The following FCSK variants were observed in gnomAD, a reference collection of about 807,000 sequenced individuals.
FCSK encodes L-fucose kinase.
FCSK carries 123 observed loss-of-function variants against 122.5 expected under a neutral mutation model. That is an observed-to-expected ratio of 1.00 (90% CI 0.87 to 1.17). The LOEUF (loss-of-function observed/expected upper bound fraction) is 1.17, where lower values mean the gene tolerates loss of function less well. Ranked by LOEUF, FCSK falls within the 50% of genes most tolerant of loss-of-function variation. FCSK has a pLI of 0.00. For missense variants in FCSK, 1,366 were observed against 1,450.4 expected, an observed-to-expected ratio of 0.94 and a Z score of 0.95; for synonymous variants, 620 against 625.5, an observed-to-expected ratio of 0.99 and a Z score of 0.13.
intron 7 of FCSK, 92 bp downstream of exon 7, chr16:70,467,563 T>A: frequency 1.0e-6 from 1 of 999,776 alleles, no homozygotes; most frequent in Non-Finnish European, 1.5e-6. Flanking sequence ...CCTCTCATCC[T>A]GGATTTCCTC....
At chr16:70,472,929 AAG>A in intron 14 of FCSK, 52 bp from the exon 15 acceptor site, 3 of 1,540,226 alleles carry the variant, frequency 1.9e-6, no homozygotes, top group Non-Finnish European at 2.6e-6. Flanking sequence ...GGGCTTGGGG[AAG>A]AGACTGGAGC....
At chr16:70,465,416 T>A (rs576131872) in intron 4 of FCSK, among the ~76,000 whole-genome samples, 169 of 150,286 alleles carry the variant, frequency 1.1e-3, no homozygotes, top group Non-Finnish European at 1.9e-3. Context: ...CTCAGCACTT[T>A]GGGAGGCCAA....
At chr16:70,461,558 C>T (rs772585303) in intron 1 of FCSK, among the ~76,000 whole-genome samples, 7 of 152,094 alleles carry the variant, frequency 4.6e-5, no homozygotes, top group African/African-American at 1.7e-4. Context: ...AGGGCTGCAG[C>T]CCCCGCTGGG....
At chr16:70,468,373 T>C (rs956397797) in intron 8 of FCSK, among the ~76,000 whole-genome samples, 35 of 152,202 alleles carry the variant, frequency 2.3e-4, no homozygotes, top group Non-Finnish European at 8.8e-5. Flanking sequence ...TGAGCAGAGA[T>C]CGTGCCACTG....
rs1332859446 is a variant in FCSK at position 70,470,169 on chromosome 16, T to C, written c.956-145T>C. The C allele has an allele frequency of 4.6e-6, 3 of 652,268 alleles. No homozygotes were observed. In the African/African-American group the frequency reaches 5.5e-5, roughly 12 times the overall value. The allele number at this position is 652,268 out of a possible 1,614,324, so 40.4% of individuals were successfully genotyped here. On this transcript the variant is annotated intron_variant, in intron 10 of 23. Transcript: ENST00000288078. Reference sequence around the variant, plus strand: ...ACCTGTCTACTTTCTAGCTGTGTTGTGTGGCTTTGGGCAGGTTCCTGACTC... The same window carrying C: ...ACCTGTCTACTTTCTAGCTGTGTTGCGTGGCTTTGGGCAGGTTCCTGACTC...
intron 1 of FCSK, among the ~76,000 whole-genome samples, chr16:70,459,656 C>CTTTTTT (rs1333103356): frequency 7.7e-6 from 1 of 130,004 alleles, no homozygotes; most frequent in African/African-American, 3.2e-5. Flanking sequence ...ATTTCTCCGT[C>CTTTTTT]TTTTTTTTTT....
intron 23 of FCSK, 64 bp downstream of exon 23, chr16:70,479,467 C>A: frequency 6.6e-7 from 1 of 1,504,244 alleles, no homozygotes; most frequent in Non-Finnish European, 9.1e-7. Context: ...TGTGGCCCAC[C>A]AGTTAACCAG....
intron 1 of FCSK, among the ~76,000 whole-genome samples, chr16:70,459,028 T>C (rs8062794): frequency 0.12 from 18,212 of 150,762 alleles, 3,634 homozygotes; most frequent in African/African-American, 0.42. Context: ...GCTTGGGCAA[T>C]GTGGCAAGAC....
rs374104133 is a variant in FCSK, at chr16:70,470,410, T to A, written c.1052T>A (p.Val351Glu). ...CCCGGGGCTCCTGGGGCCCAGATTG[T>A]GCACTCCCAGGTGGAGGTGAGACCT... ...TLPGAPGAQIVHSQVEEQQLL... is the reference protein window; with the variant it reads ...TLPGAPGAQIEHSQVEEQQLL... Residue 351 changes from valine to glutamate, a missense_variant, in exon 11 of 24, where the codon GTG becomes GAG. Coordinates refer to ENST00000288078, the MANE Select transcript of FCSK (RefSeq NM_145059.3). The A allele has an allele frequency of 1.8e-5, 29 of 1,612,016 alleles. No homozygotes were observed. In the African/African-American group the frequency reaches 3.6e-4, roughly 20 times the overall value.
intron 1 of FCSK, chr16:70,457,823 C>G (rs1239838500): frequency 6.6e-6 from 1 of 151,320 alleles, no homozygotes; most frequent in East Asian, 1.9e-4. Context: ...TCTCAAACTC[C>G]TGGGCTCAAG....
intron 22 of FCSK, chr16:70,478,955 A>T: frequency 1.5e-6 from 1 of 677,222 alleles, no homozygotes; most frequent in East Asian, 2.7e-5. Flanking sequence ...GTGGCTTCAC[A>T]GCTCCCTAGA....
Position 70,466,192 on chromosome 16 carries a change from C to T in FCSK, c.346C>T (p.Pro116Ser), listed in dbSNP as rs1432345682. Residue 116 changes from proline (P) to serine (S), a missense_variant, in exon 5 of 24, where the codon CCC becomes TCC. Coordinates refer to ENST00000288078, the MANE Select transcript of FCSK (RefSeq NM_145059.3). ...RAFTCLPVEN[P>S]EAPVEALVCN... ...TTTCACCTGCCTCCCCGTGGAGAACCCCGAGGCCCCCGTGGAAGCCTTGGT... is the reference window on the plus strand; with the variant it reads ...TTTCACCTGCCTCCCCGTGGAGAACTCCGAGGCCCCCGTGGAAGCCTTGGT... 1 of 1,613,866 alleles carries T rather than the reference C, an allele frequency of 6.2e-7. No homozygotes were observed. The highest frequency in any genetic ancestry group is 1.3e-5 in the African/African-American group (1 of 75,008).
In FCSK at chr16:70,466,182, C is replaced by T. The variant is rs770830036; in HGVS notation, c.336C>T (p.Pro112=). The stretch of plus-strand genomic sequence containing the variant: ...GTGGCAGGGCTTTCACCTGCCTCCC[C>T]GTGGAGAACCCCGAGGCCCCCGTGG... ...DDCGRAFTCL[P]VENPEAPVEA... The change falls in exon 5 of 24, where the codon CCC becomes CCT. Residue 112 remains proline (P), a synonymous_variant. Transcript: ENST00000288078. 1.1e-4 allele frequency: 182 copies of T among 1,613,824 alleles called. No homozygotes were observed. Among genetic ancestry groups the T allele is most frequent in the Non-Finnish European group, 1.4e-4 (168 of 1,179,918 alleles).
intron 22 of FCSK, 80 bp from the exon 23 acceptor site, chr16:70,479,100 G>A (rs113077884): frequency 1.7e-5 from 19 of 1,107,056 alleles, no homozygotes; most frequent in African/African-American, 1.1e-4. Context: ...TCAGCAGCAC[G>A]TCTTGGCACT....
intron 20 of FCSK, 75 bp from the exon 21 acceptor site, chr16:70,478,197 A>G (rs1027152582): frequency 1.4e-6 from 2 of 1,476,366 alleles, no homozygotes; most frequent in African/African-American, 1.4e-5. Flanking sequence ...CAAGGGGTGC[A>G]GGGCCGGGAG....
rs1391240930 is a variant in FCSK, at chr16:70,467,783, T to A, written c.583-103T>A. The stretch of plus-strand genomic sequence containing the variant: ...GCCAGCAACTGCCAGCCTTGCGTCC[T>A]CAGCTTTCCTTTGGAGAATGCCCTT... On this transcript the variant is annotated intron_variant, in intron 7 of 23. Coordinates refer to ENST00000288078, the MANE Select transcript of FCSK (RefSeq NM_145059.3). 4.1e-6 allele frequency: 4 copies of A among 982,170 alleles called. No individual in the cohort carries two copies. The East Asian group carries it at 9.6e-5, about 24-fold the overall frequency. The allele number at this position is 982,170 out of a possible 1,614,324, so 60.8% of individuals were successfully genotyped here. A position where few individuals can be genotyped will look rare whatever the true frequency, so the allele number is the denominator to read the frequency against.
intron 1 of FCSK, among the ~76,000 whole-genome samples, chr16:70,459,417 A>T (rs2151699463): frequency 6.6e-6 from 1 of 151,946 alleles, no homozygotes. Context: ...CATGCCTGTA[A>T]TCCTAGCTAC....
At chr16:70,456,034 T>C (rs2048085405) in intron 1 of FCSK, among the ~76,000 whole-genome samples, 2 of 151,864 alleles carry the variant, frequency 1.3e-5, no homozygotes, top group Non-Finnish European at 2.9e-5. Context: ...AATAAAAAAC[T>C]AGCAGGACTC....
rs371966052 is a variant in FCSK, at chr16:70,469,135, T to G, written c.784-17T>G. 9.3e-6 allele frequency: 15 copies of G among 1,613,750 alleles called. No individual in the cohort carries two copies. The highest frequency in any genetic ancestry group is 4.0e-5 in the African/African-American group (3 of 74,938). On this transcript the variant is annotated splice_polypyrimidine_tract_variant and intron_variant, in intron 9 of 23. Coordinates refer to ENST00000288078, the MANE Select transcript of FCSK (RefSeq NM_145059.3). ...CCCCTGCCATGCCAATAGCTGTGCT[T>G]CTTCCCCTTCCCCTAGCTGTCTCTG...
Sources: gnomAD v4.1 joint callset for allele counts (sites outside exome capture counted in the v4.1 genomes callset) on GRCh38, gnomAD v4.1.1 for gene constraint, MANE v1.5 for transcripts, NCBI Gene and HGNC (gene_info 2026-07-23, HGNC 2026-07-21) for gene names.